FUT8: variants seen among roughly 807,000 people sequenced by gnomAD.
The protein encoded by FUT8 is alpha-(1,6)-fucosyltransferase.
FUT8 carries 29 observed loss-of-function variants against 71.3 expected under a neutral mutation model. The ratio of observed to expected loss-of-function variants is 0.41; its 90% CI spans 0.30 to 0.55. The LOEUF (loss-of-function observed/expected upper bound fraction) is 0.55. FUT8 is among the 20% of genes least tolerant of loss of function. The probability of loss-of-function intolerance (pLI) is 0.34; values close to 1 mark genes in which losing one functional copy is unlikely to be tolerated. For missense variants in FUT8, 544 were observed against 702.1 expected, an observed-to-expected ratio of 0.77 and a Z score of 2.55; for synonymous variants, 254 against 239.3, an observed-to-expected ratio of 1.06 and a Z score of -0.57.
chr14:65,709,646 C>G (rs1894720301), intron 7 of FUT8, among the ~76,000 whole-genome samples: 1 of 152,122 alleles, frequency 6.6e-6, no homozygotes, highest in Non-Finnish European at 1.5e-5. Flanking sequence ...AAAAAAGTTT[C>G]TACAGAAGCG....
chr14:65,666,793 A>G (rs892483727), intron 6 of FUT8, among the ~76,000 whole-genome samples: 2 of 152,170 alleles, frequency 1.3e-5, no homozygotes, highest in African/African-American at 4.8e-5. Context: ...ATAGCAAGCC[A>G]AATCCAGCAG....
chr14:65,444,702 A>G (rs565737427), intron 1 of FUT8, among the ~76,000 whole-genome samples: 14 of 152,302 alleles, frequency 9.2e-5, no homozygotes, highest in African/African-American at 3.1e-4. Flanking sequence ...TCCTGATTCC[A>G]TTTACATGAT....
chr14:65,610,840 A>G (rs948025056), intron 3 of FUT8, among the ~76,000 whole-genome samples: 5 of 151,912 alleles, frequency 3.3e-5, no homozygotes, highest in Non-Finnish European at 5.9e-5. Flanking sequence ...TGCTAAGCCA[A>G]TCTTGGATTT....
chr14:65,719,615 G>C (rs894625759), intron 7 of FUT8, among the ~76,000 whole-genome samples: 2 of 152,170 alleles, frequency 1.3e-5, no homozygotes, highest in African/African-American at 4.8e-5. Context: ...TATTTGAAGG[G>C]AGTTGGCTGT....
chr14:65,421,054 G>A (rs1183224235), intron 1 of FUT8, among the ~76,000 whole-genome samples: 1 of 152,052 alleles, frequency 6.6e-6, no homozygotes, highest in Non-Finnish European at 1.5e-5. Flanking sequence ...TTAGCTGGGC[G>A]TGGTTGCATG....
upstream of FUT8, chr14:65,412,513 C>G: frequency 1.4e-5 from 5 of 358,430 alleles, no homozygotes; most frequent in Non-Finnish European, 2.8e-5. Context: ...CGAGCCGGAG[C>G]CGGCGTGCGC....
intron 7 of FUT8, among the ~76,000 whole-genome samples, chr14:65,709,818 T>C (rs1305613865): frequency 6.6e-6 from 1 of 152,154 alleles, no homozygotes; most frequent in South Asian, 2.1e-4. Context: ...ACTTCTCTCA[T>C]GGTGTGGCCC....
intron 1 of FUT8, among the ~76,000 whole-genome samples, chr14:65,439,954 G>GTGTATACGTATATATATA: frequency 1.3e-5 from 1 of 74,984 alleles, no homozygotes; most frequent in Non-Finnish European, 2.5e-5. Flanking sequence ...GTGTGTGTGT[G>GTGTATACGTATATATATA]TATATATATA....
intron 2 of FUT8, among the ~76,000 whole-genome samples, chr14:65,466,461 T>C (rs1450758442): frequency 6.6e-6 from 1 of 152,218 alleles, no homozygotes. Flanking sequence ...TTTAAAATTA[T>C]CTTTTAGGCT....
intron 6 of FUT8, among the ~76,000 whole-genome samples, chr14:65,667,409 C>G (rs544448872): frequency 6.6e-6 from 1 of 152,158 alleles, no homozygotes; most frequent in Admixed American, 6.6e-5. Context: ...ATCAAGAATG[C>G]AATCCTAGTC....
chr14:65,534,078 T>C (rs1594747085), intron 2 of FUT8, among the ~76,000 whole-genome samples: 1 of 152,264 alleles, frequency 6.6e-6, no homozygotes, highest in East Asian at 1.9e-4. Flanking sequence ...GATATTGACT[T>C]GAAGTTTTCT....
the FUT8 span, among the ~76,000 whole-genome samples, chr14:65,401,765 C>T: frequency 1.3e-5 from 2 of 151,900 alleles, no homozygotes; most frequent in Non-Finnish European, 2.9e-5. Flanking sequence ...TGGTGGTGTA[C>T]ACCTGTAATC....
chr14:65,704,328 A>G (rs1458358777), intron 7 of FUT8, among the ~76,000 whole-genome samples: 1 of 131,970 alleles, frequency 7.6e-6, no homozygotes, highest in Admixed American at 8.1e-5. Context: ...GGAACTTAAG[A>G]GTGGAATTGT....
chr14:65,529,525 G>T (rs769504831), intron 2 of FUT8: 3 of 153,364 alleles, frequency 2.0e-5, no homozygotes, highest in Admixed American at 1.3e-4. Flanking sequence ...GAGCCACCAC[G>T]CCCGGCCTCC....
Position 65,416,346 on chromosome 14 carries a change from T to C in FUT8, c.-326+3132T>C, listed in dbSNP as rs192251149. On this transcript the variant is annotated intron_variant, in intron 1 of 10. Coordinates refer to ENST00000673929, the MANE Select transcript of FUT8 (RefSeq NM_001371533.1). Reference sequence around the variant, plus strand: ...TTTTTTTTCCCCCAAAGAGATGTGATCTTGCTGTTTTGTCCAGGTTGGCCT... The same window carrying C: ...TTTTTTTTCCCCCAAAGAGATGTGACCTTGCTGTTTTGTCCAGGTTGGCCT... Among the ~76,000 whole-genome samples the C allele has an allele frequency of 1.1e-4, 16 of 152,012 alleles. No homozygotes were observed. In the East Asian group the frequency reaches 2.9e-3, roughly 28 times the overall value.
At chr14:65,382,926 A>C in the FUT8 span, among the ~76,000 whole-genome samples, 5 of 152,068 alleles carry the variant, frequency 3.3e-5, no homozygotes, top group East Asian at 1.9e-4. Flanking sequence ...CCCAATTCTA[A>C]GAACTTCTTC....
chr14:65,439,954 G>GTATATA (rs60534547), intron 1 of FUT8, among the ~76,000 whole-genome samples: 2,492 of 74,750 alleles, frequency 0.033, 127 homozygotes, highest in African/African-American at 0.039. Context: ...GTGTGTGTGT[G>GTATATA]TATATATATA....
intron 2 of FUT8, among the ~76,000 whole-genome samples, chr14:65,510,188 G>C (rs1882240435): frequency 6.6e-6 from 1 of 152,034 alleles, no homozygotes; most frequent in Admixed American, 6.6e-5. Context: ...AATTGAAATG[G>C]TCATATGGTT....
chr14:65,444,126 G>C (rs11844682), intron 1 of FUT8, among the ~76,000 whole-genome samples: 105,721 of 152,118 alleles, frequency 0.69, 37,052 homozygotes, highest in East Asian at 0.9. Flanking sequence ...CATTAACAGA[G>C]TGGGTGCTAA....
Sources: gnomAD v4.1 joint callset for allele counts (sites outside exome capture counted in the v4.1 genomes callset) on GRCh38, gnomAD v4.1.1 for gene constraint, MANE v1.5 for transcripts, NCBI Gene and HGNC (gene_info 2026-07-23, HGNC 2026-07-21) for gene names.